Variants in COL28A1 observed in about 807,000 individuals in gnomAD.
COL28A1 encodes collagen alpha-1(XXVIII) chain.
Under a neutral mutation model 150.2 loss-of-function variants are expected in COL28A1, and 161 were observed. The ratio of observed to expected loss-of-function variants is 1.07; its 90% CI spans 0.94 to 1.22. COL28A1 has a LOEUF of 1.22. Ranked by LOEUF, COL28A1 falls within the 50% of genes most tolerant of loss-of-function variation. The pLI is 0.00. For missense variants in COL28A1, 1,617 were observed against 1,388.3 expected, an observed-to-expected ratio of 1.16 and a Z score of -2.62; for synonymous variants, 552 against 469.7, an observed-to-expected ratio of 1.18 and a Z score of -2.26.
At position 7,449,704 on chromosome 7, in the gene COL28A1, A is replaced by C. The variant is rs542630429; in HGVS notation, c.1509+2615T>G. On this transcript the variant is annotated intron_variant, in intron 18 of 34. Coordinates refer to ENST00000399429, the MANE Select transcript of COL28A1 (RefSeq NM_001037763.3). ...AAAACAAAACAAAACAAAACAAAAA[A>C]ATTCTCCTATAGACCTATACTAGTT... 2.0e-5 allele frequency among the ~76,000 whole-genome samples: 3 copies of C among 152,154 alleles called. No individual in the cohort carries two copies. In the East Asian group the frequency reaches 5.8e-4, roughly 29 times the overall value.
At chr7:7,434,833 A>G (rs550051845) in intron 23 of COL28A1, among the ~76,000 whole-genome samples, 10 of 152,336 alleles carry the variant, frequency 6.6e-5, no homozygotes, top group South Asian at 6.2e-4. Flanking sequence ...AATGTCCTAC[A>G]AAGTTATTTA....
chr7:7,363,833 T>C (rs73345242), intron 33 of COL28A1, among the ~76,000 whole-genome samples: 2,994 of 152,242 alleles, frequency 0.02, 122 homozygotes, highest in African/African-American at 0.069. Context: ...TCTCGCTCTG[T>C]TGCCCAGCAC....
At chr7:7,519,535 C>A (rs114025092) in intron 6 of COL28A1, among the ~76,000 whole-genome samples, 2,303 of 152,208 alleles carry the variant, frequency 0.015, 60 homozygotes, top group African/African-American at 0.052. Context: ...GAACCAAAAT[C>A]CTAACAATGA....
At chr7:7,508,060 G>A (rs1454041572) in intron 9 of COL28A1, among the ~76,000 whole-genome samples, 7 of 152,012 alleles carry the variant, frequency 4.6e-5, no homozygotes, top group African/African-American at 1.4e-4. Context: ...GTGAAACCCT[G>A]TCTCTACTAA....
chr7:7,423,736 G>C (rs1784499095), intron 25 of COL28A1, among the ~76,000 whole-genome samples: 1 of 152,172 alleles, frequency 6.6e-6, no homozygotes, highest in South Asian at 2.1e-4. Flanking sequence ...ACATGGGAAA[G>C]CAAGCGGGAA....
At chr7:7,528,425 T>C (rs1035096141) in intron 3 of COL28A1, among the ~76,000 whole-genome samples, 16 of 152,308 alleles carry the variant, frequency 1.1e-4, no homozygotes, top group African/African-American at 3.6e-4. Context: ...AAAATGTTTC[T>C]ATGGGGTTCT....
chr7:7,532,061 A>C (rs1039376418), intron 2 of COL28A1, among the ~76,000 whole-genome samples, 157 bp from the exon 3 acceptor site: 1 of 152,190 alleles, frequency 6.6e-6, no homozygotes. Flanking sequence ...CTTCAATTGT[A>C]AAAAACTAAA....
At chr7:7,407,188 G>T (rs1365270002) in intron 27 of COL28A1, among the ~76,000 whole-genome samples, 1 of 152,000 alleles carries the variant, frequency 6.6e-6, no homozygotes, top group Non-Finnish European at 1.5e-5. Flanking sequence ...ATAGATTGTA[G>T]AGAGGAAAGA....
At chr7:7,401,622 A>G (rs1003053590) in intron 27 of COL28A1, among the ~76,000 whole-genome samples, 65 of 152,108 alleles carry the variant, frequency 4.3e-4, no homozygotes, top group African/African-American at 1.5e-3. Flanking sequence ...CCCCATATTC[A>G]GTCCAGAATG....
At chr7:7,486,991 T>C (rs907138823) in intron 13 of COL28A1, among the ~76,000 whole-genome samples, 5 of 152,120 alleles carry the variant, frequency 3.3e-5, no homozygotes, top group African/African-American at 9.7e-5. Flanking sequence ...TCTTCTATTG[T>C]CTGAAAAAGA....
chr7:7,442,728 G>C (rs1030807382), intron 20 of COL28A1, among the ~76,000 whole-genome samples: 1 of 152,044 alleles, frequency 6.6e-6, no homozygotes, highest in Non-Finnish European at 1.5e-5. Context: ...CATGGGAATT[G>C]ATAACTACAC....
intron 6 of COL28A1, among the ~76,000 whole-genome samples, chr7:7,519,591 A>G (rs878947720): frequency 6.6e-6 from 1 of 152,110 alleles, no homozygotes; most frequent in African/African-American, 2.4e-5. Context: ...ATTTTTTTTG[A>G]TAGGTACACA....
intron 27 of COL28A1, among the ~76,000 whole-genome samples, chr7:7,401,007 T>TG (rs1783164741): frequency 6.6e-6 from 1 of 150,554 alleles, no homozygotes; most frequent in Non-Finnish European, 1.5e-5. Context: ...TGTGTGTGTG[T>TG]GTGTGTGTGT....
the COL28A1 span, among the ~76,000 whole-genome samples, chr7:7,349,568 A>T: frequency 0.016 from 2,406 of 152,174 alleles, 68 homozygotes; most frequent in African/African-American, 0.055. Flanking sequence ...CCTGGACTCC[A>T]GTATTTTCCC....
Position 7,401,991 on chromosome 7 carries a change from A to G in COL28A1, c.2136+15868T>C, listed in dbSNP as rs955399148. On this transcript the variant is annotated intron_variant, in intron 27 of 34. Transcript: ENST00000399429. ...TAAACATGCAGGATTCAATGTTAAG[A>G]GCCAGGAATGCAGAGTACAGAAGGA... 2.6e-5 allele frequency among the ~76,000 whole-genome samples: 4 copies of G among 152,230 alleles called. No individual in the cohort carries two copies. The South Asian group carries it at 6.2e-4, about 24-fold the overall frequency.
Position 7,507,140 on chromosome 7 carries a change from G to A in COL28A1, c.949C>T (p.Pro317Ser). ...GDKGSPGPYGPKGPRGIQGIT... is the reference protein window; with the variant it reads ...GDKGSPGPYGSKGPRGIQGIT... ...ACCTGAATTCCTCTGGGTCCCTTTG[G>A]TCCATATGGCCCTGGGGATCCCTGT... is the stretch of plus-strand genomic sequence containing the variant. The change falls in exon 10 of 35, where the codon CCA becomes TCA. Residue 317 changes from proline to serine, a missense_variant. By Grantham distance (74) the Pro-to-Ser change is moderately conservative. Transcript: ENST00000399429. The A allele has an allele frequency of 7.8e-7, 1 of 1,285,988 alleles. No homozygotes were observed. The highest frequency in any genetic ancestry group is 1.1e-6 in the Non-Finnish European group (1 of 882,584). 79.7% of individuals were successfully genotyped at this position (1,285,988 alleles called of 1,614,324 possible).
intron 32 of COL28A1, 49 bp downstream of exon 32, chr7:7,372,949 A>G (rs1781312250): frequency 6.6e-7 from 1 of 1,512,234 alleles, no homozygotes; most frequent in Non-Finnish European, 9.0e-7. Flanking sequence ...TATGGTACTT[A>G]GAGGAACAAC....
intron 4 of COL28A1, chr7:7,522,207 A>G (rs971283362): frequency 1.0e-5 from 5 of 501,540 alleles, no homozygotes; most frequent in Admixed American, 9.6e-5. Context: ...GAGCTAGCTA[A>G]CAAAATATTA....
chr7:7,524,219 T>A lies in COL28A1; in HGVS notation c.702+10A>T. ...AGTAATTCGTAGTAATCAAAGCATG[T>A]GGTGCTTACCTTCTTTTCAAATAAG... is the stretch of plus-strand genomic sequence containing the variant. On this transcript the variant is annotated intron_variant, in intron 4 of 34. Transcript: ENST00000399429. 8.0e-7 allele frequency: 1 copy of A among 1,255,664 alleles called. No homozygotes were observed. The highest frequency in any genetic ancestry group is 1.2e-6 in the Non-Finnish European group (1 of 852,942). The allele number at this position is 1,255,664 out of a possible 1,614,324, so 77.8% of individuals were successfully genotyped here. A position where few individuals can be genotyped will look rare whatever the true frequency, so the allele number is the denominator to read the frequency against.
Sources: gnomAD v4.1 joint callset for allele counts (sites outside exome capture counted in the v4.1 genomes callset) on GRCh38, gnomAD v4.1.1 for gene constraint, MANE v1.5 for transcripts, NCBI Gene and HGNC (gene_info 2026-07-23, HGNC 2026-07-21) for gene names.